The following GRIK2 variants were observed in gnomAD, a reference collection of about 807,000 sequenced individuals.
GRIK2 encodes the protein glutamate receptor ionotropic, kainate 2.
A neutral mutation model predicts 100.3 loss-of-function variants in GRIK2; 32 were observed. That is an observed-to-expected ratio of 0.32 (90% CI 0.24 to 0.43). GRIK2 has a LOEUF of 0.43. Among genes scored for constraint, GRIK2 ranks in the 20% least tolerant of loss-of-function variants. The pLI is 1.00. For synonymous variants in GRIK2, 417 were observed against 389.4 expected (o/e 1.07, Z -0.83); for missense variants, 843 against 1,114.9 (o/e 0.76, Z 3.47).
At chr6:101,441,926 T>C (rs1770087786) in intron 2 of GRIK2, among the ~76,000 whole-genome samples, 1 of 150,598 alleles carries the variant, frequency 6.6e-6, no homozygotes, top group African/African-American at 2.4e-5. Flanking sequence ...AAACTTCTTA[T>C]AGTGAAAGGA....
chr6:101,614,859 G>A (rs189309984), intron 2 of GRIK2, among the ~76,000 whole-genome samples: 5 of 151,872 alleles, frequency 3.3e-5, no homozygotes, highest in Non-Finnish European at 2.9e-5. Flanking sequence ...TAGATGTGAC[G>A]TTGGTTGGTA....
At chr6:101,988,727 C>T (rs542567771) in intron 14 of GRIK2, among the ~76,000 whole-genome samples, 1 of 151,938 alleles carries the variant, frequency 6.6e-6, no homozygotes, top group African/African-American at 2.4e-5. Context: ...ATATACACTC[C>T]TGATGATCTA....
rs181700903 is a variant in GRIK2, at chr6:102,009,787, T to C, written c.2086-25554T>C. On this transcript the variant is annotated intron_variant, in intron 14 of 16. Transcript: ENST00000369134. ...GATACATGGACACACTCAACAACTA[T>C]ACTATATTAGGTAGAAAATCATATT... Among the ~76,000 whole-genome samples, 232 of 152,268 alleles carry C rather than the reference T, an allele frequency of 1.5e-3. 1 individual carries two copies. The highest frequency in any genetic ancestry group is 5.3e-3 in the African/African-American group (219 of 41,560).
At chr6:101,500,714 G>A (rs1433795752) in intron 2 of GRIK2, among the ~76,000 whole-genome samples, 1 of 151,914 alleles carries the variant, frequency 6.6e-6, no homozygotes, top group Non-Finnish European at 1.5e-5. Flanking sequence ...TTATTGTTTG[G>A]AAATTATTAT....
intron 2 of GRIK2, among the ~76,000 whole-genome samples, chr6:101,550,177 C>T (rs1445532969): frequency 6.6e-6 from 1 of 152,132 alleles, no homozygotes; most frequent in African/African-American, 2.4e-5. Context: ...ATTTTTATTT[C>T]AATTAGTAAC....
Position 101,802,363 on chromosome 6 carries a change from T to C in GRIK2, c.1128T>C (p.Thr376=). ...GGGAAGGCCTCACAGGCAGAATAAC[T>C]TTCAACAAAACCAATGGCTTGAGAA... The part of the protein sequence containing the change: ...AHWEGLTGRI[T]FNKTNGLRTD... Residue 376 remains threonine, a synonymous_variant, in exon 9 of 17, where the codon ACT becomes ACC. Transcript: ENST00000369134. 1.3e-6 allele frequency: 2 copies of C among 1,589,484 alleles called. No homozygotes were observed. The highest frequency in any genetic ancestry group is 1.7e-6 in the Non-Finnish European group (2 of 1,164,862).
intron 10 of GRIK2, among the ~76,000 whole-genome samples, chr6:101,853,019 G>A (rs566041938): frequency 1.3e-5 from 2 of 152,238 alleles, no homozygotes; most frequent in African/African-American, 4.8e-5. Context: ...TTTTACTTAT[G>A]TTAAGCTCAA....
At chr6:101,616,361 A>G (rs1367186433) in intron 2 of GRIK2, among the ~76,000 whole-genome samples, 2 of 151,830 alleles carry the variant, frequency 1.3e-5, no homozygotes, top group South Asian at 2.1e-4. Context: ...ATAAATAAAA[A>G]ATCAGAAAGT....
chr6:101,429,092 T>C (rs2128242296), intron 2 of GRIK2, among the ~76,000 whole-genome samples: 1 of 152,332 alleles, frequency 6.6e-6, no homozygotes, highest in East Asian at 1.9e-4. Context: ...TTATATGTTC[T>C]CTTGGGAATA....
chr6:101,995,457 A>C (rs1794600471), intron 14 of GRIK2, among the ~76,000 whole-genome samples: 1 of 152,068 alleles, frequency 6.6e-6, no homozygotes, highest in African/African-American at 2.4e-5. Flanking sequence ...TAAACTCTTG[A>C]CATTAATGAT....
chr6:101,409,068 G>A (rs965854564), intron 2 of GRIK2, among the ~76,000 whole-genome samples: 1 of 150,406 alleles, frequency 6.6e-6, no homozygotes, highest in African/African-American at 2.4e-5. Flanking sequence ...AATGTTTTAT[G>A]TTTAGTTCCA....
intron 14 of GRIK2, among the ~76,000 whole-genome samples, chr6:101,933,519 C>T (rs1449362510): frequency 6.6e-6 from 1 of 152,034 alleles, no homozygotes; most frequent in African/African-American, 2.4e-5. Flanking sequence ...ACAACTACAA[C>T]GTGTAATTAA....
intron 2 of GRIK2, among the ~76,000 whole-genome samples, chr6:101,609,350 T>C (rs144674974): frequency 2.1e-3 from 324 of 151,984 alleles, no homozygotes; most frequent in Middle Eastern, 6.8e-3. Context: ...TTGAAACTAG[T>C]TGTAAAGAGT....
intron 11 of GRIK2, among the ~76,000 whole-genome samples, chr6:101,872,016 T>C (rs2128448695): frequency 6.6e-6 from 1 of 152,056 alleles, no homozygotes; most frequent in Non-Finnish European, 1.5e-5. Flanking sequence ...TCCTTTTTCT[T>C]CACAGCCTTG....
chr6:101,775,137 A>G (rs560314263), intron 7 of GRIK2, among the ~76,000 whole-genome samples: 2 of 152,274 alleles, frequency 1.3e-5, no homozygotes, highest in East Asian at 3.9e-4. Flanking sequence ...GGAAACTCTT[A>G]TTGTTAAAAT....
chr6:101,709,016 T>C (rs1773525099), intron 7 of GRIK2, among the ~76,000 whole-genome samples: 1 of 151,810 alleles, frequency 6.6e-6, no homozygotes, highest in South Asian at 2.1e-4. Flanking sequence ...TTGACCACCA[T>C]AGTTAGTCAA....
chr6:101,736,344 A>G lies in GRIK2; in HGVS notation c.951+49991A>G, dbSNP rs911021985. The stretch of plus-strand genomic sequence containing the variant: ...CTCTGTGTGGATGTTCCGACCCAAC[A>G]TCTCCCTTTCACACTGCCCTAGCAG... On this transcript the variant is annotated intron_variant, in intron 7 of 16. Coordinates refer to ENST00000369134, the MANE Select transcript of GRIK2 (RefSeq NM_021956.5). Among the ~76,000 whole-genome samples, 6 of 152,246 alleles carry G rather than the reference A, an allele frequency of 3.9e-5. No individual in the cohort carries two copies. The East Asian group carries it at 1.2e-3, about 29-fold the overall frequency.
chr6:101,546,349 C>A (rs982023243), intron 2 of GRIK2, among the ~76,000 whole-genome samples: 4 of 152,150 alleles, frequency 2.6e-5, no homozygotes, highest in Non-Finnish European at 5.9e-5. Flanking sequence ...TAATGATTAA[C>A]CTGATACCTT....
intron 14 of GRIK2, among the ~76,000 whole-genome samples, chr6:102,014,629 T>TTA (rs1302100573): frequency 1.3e-5 from 2 of 152,162 alleles, no homozygotes; most frequent in Non-Finnish European, 2.9e-5. Flanking sequence ...TTCTGGCATG[T>TTA]TATATCTTTG....
Sources: gnomAD v4.1 joint callset for allele counts (sites outside exome capture counted in the v4.1 genomes callset) on GRCh38, gnomAD v4.1.1 for gene constraint, MANE v1.5 for transcripts, NCBI Gene and HGNC (gene_info 2026-07-23, HGNC 2026-07-21) for gene names.